The following ZFAT variants were observed in gnomAD, a reference collection of about 807,000 sequenced individuals.
ZFAT encodes the protein zinc finger protein ZFAT.
A neutral mutation model predicts 117.7 loss-of-function variants in ZFAT; 64 were observed. The ratio of observed to expected loss-of-function variants is 0.54; its 90% confidence interval spans 0.44 to 0.67. The LOEUF is 0.67. Among genes scored for constraint, ZFAT ranks in the 30% least tolerant of loss-of-function variants. The pLI, the probability that ZFAT is intolerant of heterozygous loss-of-function variation, is 0.00. For missense variants in ZFAT, 1,433 were observed against 1,584.5 expected, an observed-to-expected ratio of 0.90 and a Z score of 1.62; for synonymous variants, 679 against 615.0, an observed-to-expected ratio of 1.10 and a Z score of -1.54.
At chr8:134,518,373 C>T (rs575344944) in intron 13 of ZFAT, among the ~76,000 whole-genome samples, 3 of 152,278 alleles carry the variant, frequency 2.0e-5, no homozygotes, top group African/African-American at 7.2e-5. Context: ...TAAGGCTGGG[C>T]CATTTTACAT....
intron 7 of ZFAT, 97 bp downstream of exon 7, chr8:134,600,339 G>A (rs376135181): frequency 1.8e-6 from 2 of 1,104,276 alleles, no homozygotes; most frequent in Non-Finnish European, 2.8e-6. Flanking sequence ...TGTTTTCAGG[G>A]CTGACCTGCA....
the ZFAT span, among the ~76,000 whole-genome samples, chr8:134,831,827 C>T: frequency 6.6e-6 from 1 of 151,806 alleles, no homozygotes; most frequent in African/African-American, 2.4e-5. Context: ...GACGGGGGCG[C>T]CAAAAAAGCA....
chr8:134,768,292 G>A, the ZFAT span, among the ~76,000 whole-genome samples: 49,726 of 151,980 alleles, frequency 0.33, 8,386 homozygotes, highest in Admixed American at 0.43. Context: ...TGTTACTACA[G>A]TTGTTTTGAG....
upstream of ZFAT, chr8:134,713,054 C>A (rs1044122660): frequency 6.5e-6 from 4 of 612,544 alleles, no homozygotes; most frequent in Admixed American, 4.4e-5. Context: ...CTCCTCCCCA[C>A]GGGGCGCAGA....
At chr8:134,496,546 C>A (rs925160356) in intron 15 of ZFAT, among the ~76,000 whole-genome samples, 1 of 152,232 alleles carries the variant, frequency 6.6e-6, no homozygotes, top group African/African-American at 2.4e-5. Flanking sequence ...ACACCCAGGG[C>A]AACTGGGCCC....
intron 15 of ZFAT, among the ~76,000 whole-genome samples, chr8:134,508,343 C>A (rs1171695131): frequency 6.6e-6 from 1 of 152,244 alleles, no homozygotes; most frequent in East Asian, 1.9e-4. Flanking sequence ...AGGCACACAT[C>A]ACTCAGGCGT....
At chr8:134,669,452 A>ATTCAAAT (rs1832438971) in intron 1 of ZFAT, among the ~76,000 whole-genome samples, 1 of 152,244 alleles carries the variant, frequency 6.6e-6, no homozygotes, top group Admixed American at 6.5e-5. Flanking sequence ...AATATTCAAC[A>ATTCAAAT]TTCTTGAAGA....
At chr8:134,825,735 C>G in the ZFAT span, among the ~76,000 whole-genome samples, 5 of 152,138 alleles carry the variant, frequency 3.3e-5, no homozygotes, top group Non-Finnish European at 7.4e-5. Flanking sequence ...AGAAATGGTC[C>G]TCAGGCTGGG....
the ZFAT span, among the ~76,000 whole-genome samples, chr8:134,770,700 T>C: frequency 0.33 from 49,556 of 152,142 alleles, 8,332 homozygotes; most frequent in Admixed American, 0.42. Context: ...AACAGAGCCA[T>C]ATTTCTCTTC....
intron 12 of ZFAT, among the ~76,000 whole-genome samples, chr8:134,524,275 G>T (rs1820867609): frequency 6.6e-6 from 1 of 152,150 alleles, no homozygotes; most frequent in African/African-American, 2.4e-5. Flanking sequence ...ATTCTGTGGA[G>T]TCTCCACTTC....
At chr8:134,600,856 A>C (rs1348418840) in intron 6 of ZFAT, among the ~76,000 whole-genome samples, 188 bp from the exon 7 acceptor site, 2 of 152,166 alleles carry the variant, frequency 1.3e-5, no homozygotes, top group Non-Finnish European at 2.9e-5. Flanking sequence ...GCAAATATTA[A>C]GGGTGCTACT....
At chr8:134,500,098 G>C (rs1395284172) in intron 15 of ZFAT, among the ~76,000 whole-genome samples, 1 of 152,200 alleles carries the variant, frequency 6.6e-6, no homozygotes, top group Non-Finnish European at 1.5e-5. Context: ...TCCCGTCAGG[G>C]CTATTACAGC....
At chr8:134,781,262 A>ACT in the ZFAT span, among the ~76,000 whole-genome samples, 1 of 152,070 alleles carries the variant, frequency 6.6e-6, no homozygotes, top group African/African-American at 2.4e-5. Context: ...AGTAACTCGG[A>ACT]CTACTGAGAT....
chr8:134,541,590 C>T (rs1822255422), intron 11 of ZFAT, among the ~76,000 whole-genome samples: 1 of 151,708 alleles, frequency 6.6e-6, no homozygotes, highest in African/African-American at 2.4e-5. Context: ...CGTCATTTAC[C>T]ACAAGTAAAG....
At chr8:134,665,695 A>G (rs988249483) in intron 1 of ZFAT, among the ~76,000 whole-genome samples, 3 of 124,622 alleles carry the variant, frequency 2.4e-5, no homozygotes, top group East Asian at 2.3e-4. Context: ...CACTGAGCAC[A>G]GTGTGGTGTC....
At chr8:134,627,762 C>A (rs1829615658) in intron 3 of ZFAT, among the ~76,000 whole-genome samples, 1 of 152,224 alleles carries the variant, frequency 6.6e-6, no homozygotes, top group South Asian at 2.1e-4. Flanking sequence ...GTGTGCCCGG[C>A]ACTGTTCTGA....
chr8:134,730,197 T>A, the ZFAT span, among the ~76,000 whole-genome samples: 1 of 152,140 alleles, frequency 6.6e-6, no homozygotes. Context: ...ACTCTCCTCA[T>A]CTCCAGAGGG....
the ZFAT span, among the ~76,000 whole-genome samples, chr8:134,745,701 T>C: frequency 6.6e-6 from 1 of 152,224 alleles, no homozygotes; most frequent in Non-Finnish European, 1.5e-5. Context: ...CTTGCTGCCT[T>C]GCAGGTTTGC....
At chr8:134,643,533 G>GA (rs143620443) in intron 2 of ZFAT, among the ~76,000 whole-genome samples, 1,714 of 152,254 alleles carry the variant, frequency 0.011, 33 homozygotes, top group African/African-American at 0.039. Flanking sequence ...CAGAACCTAT[G>GA]AAAAAGGTCA....
Sources: allele counts gnomAD v4.1 joint callset (sites outside exome capture counted in the v4.1 genomes callset), GRCh38; gene constraint gnomAD v4.1.1; transcripts MANE v1.5; gene names NCBI Gene and HGNC (gene_info 2026-07-23, HGNC 2026-07-21).